LAMP3: variants seen among roughly 807,000 people sequenced by gnomAD.
LAMP3 encodes the protein lysosome associated membrane protein 3.
LAMP3 carries 26 observed loss-of-function variants against 34.8 expected under a neutral mutation model. That is an observed-to-expected ratio of 0.75 (90% CI 0.55 to 1.04). The LOEUF (loss-of-function observed/expected upper bound fraction) is 1.04, where lower values mean the gene tolerates loss of function less well. Ranked by LOEUF, LAMP3 falls within the 50% of genes least tolerant of loss-of-function variation. The probability of loss-of-function intolerance (pLI) is 0.00; values close to 1 mark genes in which losing one functional copy is unlikely to be tolerated. For missense variants in LAMP3, 495 were observed against 524.0 expected, an observed-to-expected ratio of 0.94 and a Z score of 0.54; for synonymous variants, 180 against 201.9, an observed-to-expected ratio of 0.89 and a Z score of 0.92.
rs76769997 is a variant in LAMP3 at position 183,135,640 on chromosome 3, T to G, written c.1117+77A>C. On this transcript the variant is annotated intron_variant, in intron 5 of 5. Transcript: ENST00000265598. ...ATGAGATGCTTGCTCCTTCGACAGC[T>G]GCAGACAGAAAACACTTTGGATCTA... is the stretch of plus-strand genomic sequence containing the variant. 4 of 1,337,542 alleles carry G rather than the reference T, an allele frequency of 3.0e-6. No homozygotes were observed. In the East Asian group the frequency reaches 9.3e-5, roughly 31 times the overall value. The allele number at this position is 1,337,542 out of a possible 1,614,324, so 82.9% of individuals were successfully genotyped here. A position where few individuals can be genotyped will look rare whatever the true frequency, so the allele number is the denominator to read the frequency against.
intron 1 of LAMP3, among the ~76,000 whole-genome samples, chr3:183,159,036 C>T (rs903593577): frequency 1.1e-4 from 17 of 152,124 alleles, no homozygotes; most frequent in African/African-American, 3.1e-4. Flanking sequence ...GTAGCTGCGA[C>T]TACAGGCATG....
intron 5 of LAMP3, among the ~76,000 whole-genome samples, chr3:183,133,961 C>T (rs956039077): frequency 2.0e-5 from 3 of 152,218 alleles, no homozygotes; most frequent in Non-Finnish European, 4.4e-5. Flanking sequence ...ATCACCAATG[C>T]TGTCAGTCAC....
At chr3:183,159,302 A>C (rs571504244) in intron 1 of LAMP3, among the ~76,000 whole-genome samples, 3 of 152,342 alleles carry the variant, frequency 2.0e-5, no homozygotes, top group African/African-American at 7.2e-5. Flanking sequence ...GTTTCCAGAC[A>C]GGAGGAAGAG....
At chr3:183,162,473 G>T (rs924567637) in intron 1 of LAMP3, 134 bp downstream of exon 1, 1 of 854,198 alleles carries the variant, frequency 1.2e-6, no homozygotes, top group Non-Finnish European at 1.9e-6. Context: ...ACAAGTTCCA[G>T]CTGGGAAGCC....
At chr3:183,146,296 A>G (rs1270776405) in intron 3 of LAMP3, among the ~76,000 whole-genome samples, 1 of 152,194 alleles carries the variant, frequency 6.6e-6, no homozygotes, top group Non-Finnish European at 1.5e-5. Context: ...CTGGCCTCAA[A>G]TGTTAATACT....
At chr3:183,138,622 G>A (rs1001780813) in intron 4 of LAMP3, among the ~76,000 whole-genome samples, 1 of 152,176 alleles carries the variant, frequency 6.6e-6, no homozygotes, top group Non-Finnish European at 1.5e-5. Flanking sequence ...AGTGAATACT[G>A]TAGGAGTTCT....
At chr3:183,155,352 T>C (rs1247172955) in intron 1 of LAMP3, among the ~76,000 whole-genome samples, 1 of 152,252 alleles carries the variant, frequency 6.6e-6, no homozygotes, top group Non-Finnish European at 1.5e-5. Flanking sequence ...CACTTGTTGT[T>C]TTCTCAATAC....
chr3:183,144,368 G>A (rs917116155), intron 3 of LAMP3, among the ~76,000 whole-genome samples: 1 of 152,192 alleles, frequency 6.6e-6, no homozygotes, highest in African/African-American at 2.4e-5. Flanking sequence ...TGTGACAAGT[G>A]CATTGATGAA....
intron 3 of LAMP3, among the ~76,000 whole-genome samples, chr3:183,145,922 A>G (rs1395355932): frequency 6.6e-6 from 1 of 152,136 alleles, no homozygotes. Flanking sequence ...TATTTCTGTT[A>G]TTTTTCTTTC....
At chr3:183,145,880 C>T (rs1266033276) in intron 3 of LAMP3, among the ~76,000 whole-genome samples, 2 of 151,926 alleles carry the variant, frequency 1.3e-5, no homozygotes, top group East Asian at 3.9e-4. Context: ...ACAAACAAAA[C>T]CCTACAGATT....
chr3:183,132,725 C>G, intron 5 of LAMP3: 2 of 985,430 alleles, frequency 2.0e-6, no homozygotes, highest in Non-Finnish European at 2.4e-6. Flanking sequence ...GTGCAACAGG[C>G]AACGAGACAG....
intron 5 of LAMP3, among the ~76,000 whole-genome samples, chr3:183,129,431 T>C (rs1719856864): frequency 6.6e-6 from 1 of 152,182 alleles, no homozygotes; most frequent in Non-Finnish European, 1.5e-5. Flanking sequence ...TTGGATGGGC[T>C]GAATAGCTTC....
Position 183,122,295 on chromosome 3 carries a change from A to G in LAMP3, c.*1786T>C, listed in dbSNP as rs937003034. The G allele has an allele frequency of 3.3e-5, 5 of 152,240 alleles. No individual in the cohort carries two copies. The highest frequency in any genetic ancestry group is 1.2e-4 in the African/African-American group (5 of 41,464). The allele number at this position is 152,240 out of a possible 1,614,324, so 9.4% of individuals were successfully genotyped here. A position where few individuals can be genotyped will look rare whatever the true frequency, so the allele number is the denominator to read the frequency against. ...ACTAAAGTCAGGACCTTGCCAACTT[A>G]CTGAGTCATAAGGAAACACATGAGG... is the stretch of plus-strand genomic sequence containing the variant. On this transcript the variant is annotated 3_prime_UTR_variant, in exon 6 of 6. Transcript: ENST00000265598.
At chr3:183,149,803 T>C (rs528262424) in intron 3 of LAMP3, among the ~76,000 whole-genome samples, 2 of 151,988 alleles carry the variant, frequency 1.3e-5, no homozygotes, top group East Asian at 3.9e-4. Flanking sequence ...ACACATTGCA[T>C]GCCTATATCA....
At chr3:183,142,939 T>A (rs1720330795) in intron 3 of LAMP3, among the ~76,000 whole-genome samples, 1 of 152,116 alleles carries the variant, frequency 6.6e-6, no homozygotes, top group East Asian at 1.9e-4. Context: ...TCCACAAGAA[T>A]CTGCGCTTTC....
intron 1 of LAMP3, 107 bp downstream of exon 1, chr3:183,162,500 C>G: frequency 8.7e-7 from 1 of 1,148,552 alleles, no homozygotes; most frequent in Non-Finnish European, 1.3e-6. Flanking sequence ...CGCGCCACAC[C>G]TCCCTACCCG....
intron 1 of LAMP3, 91 bp from the exon 2 acceptor site, chr3:183,154,482 A>G: frequency 3.1e-6 from 3 of 965,084 alleles, no homozygotes; most frequent in Middle Eastern, 6.0e-4. Flanking sequence ...TGTTCATAAA[A>G]AAACCTAACA....
chr3:183,141,154 G>T (rs1720272846), intron 3 of LAMP3, among the ~76,000 whole-genome samples: 1 of 152,142 alleles, frequency 6.6e-6, no homozygotes, highest in East Asian at 1.9e-4. Context: ...GGGTGTGAAT[G>T]GCTTTACACA....
upstream of LAMP3, chr3:183,162,868 G>T: frequency 1.9e-6 from 1 of 527,404 alleles, no homozygotes. Flanking sequence ...CGGCGCAGCC[G>T]CCGGGGCCCG....
Sources: gnomAD v4.1 joint callset for allele counts (sites outside exome capture counted in the v4.1 genomes callset) on GRCh38, gnomAD v4.1.1 for gene constraint, MANE v1.5 for transcripts, NCBI Gene and HGNC (gene_info 2026-07-23, HGNC 2026-07-21) for gene names.